ZNF536: variants seen among roughly 807,000 people sequenced by gnomAD.
The protein encoded by ZNF536 is zinc finger protein 536.
Under a neutral mutation model 84.5 loss-of-function variants are expected in ZNF536, and 13 were observed. The observed-to-expected ratio is 0.15, with a 90% CI of 0.10 to 0.24. The LOEUF is 0.24. Among genes scored for constraint, ZNF536 ranks in the 10% least tolerant of loss-of-function variants. The pLI, the probability that ZNF536 is intolerant of heterozygous loss-of-function variation, is 1.00. For missense variants in ZNF536, 1,536 were observed against 1,747.5 expected (o/e 0.88, Z 2.16); for synonymous variants, 811 against 742.5 (o/e 1.09, Z -1.50).
intron 1 of ZNF536, among the ~76,000 whole-genome samples, chr19:30,425,344 A>T (rs539694116): frequency 3.9e-5 from 6 of 152,120 alleles, no homozygotes; most frequent in African/African-American, 1.4e-4. Context: ...TCTGGAAGGG[A>T]GGGCATATTT....
chr19:30,617,669 G>T (rs960321264), intron 1 of ZNF536, among the ~76,000 whole-genome samples: 1 of 151,824 alleles, frequency 6.6e-6, no homozygotes, highest in African/African-American at 2.4e-5. Context: ...TACATTTTAA[G>T]GATTATATTC....
chr19:30,683,562 TTC>T (rs2051059068), intron 1 of ZNF536, among the ~76,000 whole-genome samples: 1 of 152,184 alleles, frequency 6.6e-6, no homozygotes, highest in Non-Finnish European at 1.5e-5. Context: ...TTTTTTTTTT[TTC>T]TCTTTTTCCC....
intron 1 of ZNF536, among the ~76,000 whole-genome samples, chr19:30,564,500 G>A (rs1460368936): frequency 1.3e-5 from 2 of 152,116 alleles, no homozygotes; most frequent in African/African-American, 4.8e-5. Flanking sequence ...TAGGTGCCCA[G>A]GCTGATGGGA....
At chr19:30,468,953 G>T (rs1326937943) in intron 2 of ZNF536, among the ~76,000 whole-genome samples, 2 of 152,026 alleles carry the variant, frequency 1.3e-5, no homozygotes, top group East Asian at 1.9e-4. Flanking sequence ...CCCCATAAAG[G>T]GGGGCCCCTC....
Position 30,445,864 on chromosome 19 carries a change from A to G in ZNF536, c.2170+132A>G. On this transcript the variant is annotated intron_variant, in intron 2 of 4. Coordinates refer to ENST00000355537, the MANE Select transcript of ZNF536 (RefSeq NM_014717.3). The surrounding 1 kb of genome is among the most constrained non-coding windows in gnomAD (Gnocchi z 4.5). ...GATTGAGGACAGGGGTGGGTTGGAC[A>G]CTGGGCCATGCCTTTCTTTCCCCCC... The G allele has an allele frequency of 8.0e-7, 1 of 1,253,544 alleles. No individual in the cohort carries two copies. Among genetic ancestry groups the G allele is most frequent in the South Asian group, 1.7e-5 (1 of 58,972 alleles). The allele number at this position is 1,253,544 out of a possible 1,614,324, so 77.7% of individuals were successfully genotyped here. A position where few individuals can be genotyped will look rare whatever the true frequency, so the allele number is the denominator to read the frequency against.
At chr19:30,337,552 G>A (rs148530956) in intron 2 of ZNF536, among the ~76,000 whole-genome samples, 233 of 152,234 alleles carry the variant, frequency 1.5e-3, no homozygotes, top group African/African-American at 5.2e-3. Context: ...TGCCAGTCCC[G>A]TTTCCTCTAT....
chr19:30,685,485 C>T (rs1465100578), intron 1 of ZNF536, among the ~76,000 whole-genome samples: 1 of 152,086 alleles, frequency 6.6e-6, no homozygotes, highest in African/African-American at 2.4e-5. Flanking sequence ...TCCAGCTTGG[C>T]TCCTTGCAAA....
chr19:30,478,155 GT>G (rs35858645), intron 2 of ZNF536, among the ~76,000 whole-genome samples: 6,739 of 134,696 alleles, frequency 0.05, 344 homozygotes, highest in African/African-American at 0.14. Context: ...AATCCTTGGT[GT>G]TTTTTTTTTT....
At chr19:30,232,560 C>T (rs1373112868) in intron 1 of ZNF536, among the ~76,000 whole-genome samples, 3 of 152,122 alleles carry the variant, frequency 2.0e-5, no homozygotes, top group Admixed American at 6.5e-5. Flanking sequence ...TGCGTTAATT[C>T]GCTTAGGATA....
At chr19:30,565,703 C>T (rs1191042248) in intron 1 of ZNF536, among the ~76,000 whole-genome samples, 1 of 152,204 alleles carries the variant, frequency 6.6e-6, no homozygotes, top group Admixed American at 6.5e-5. Context: ...CACATCCCCA[C>T]CTTCTGTCAT....
chr19:30,259,283 C>T (rs2025071655), intron 1 of ZNF536, among the ~76,000 whole-genome samples: 1 of 152,176 alleles, frequency 6.6e-6, no homozygotes, highest in Non-Finnish European at 1.5e-5. Flanking sequence ...TCACACTCTT[C>T]TGATGATCAA....
At chr19:30,711,820 T>C (rs1054925091) in exon 2 of ZNF536, 5 of 152,214 alleles carry the variant, frequency 3.3e-5, no homozygotes, top group Non-Finnish European at 7.3e-5. Context: ...GGGTACATTA[T>C]ATAAAATGTT....
chr19:30,478,250 A>C (rs1346048424), intron 2 of ZNF536, among the ~76,000 whole-genome samples: 1 of 151,060 alleles, frequency 6.6e-6, no homozygotes, highest in African/African-American at 2.4e-5. Context: ...TGGCTGATTT[A>C]ATCTAAACTT....
At chr19:30,702,054 C>T (rs1266987365) in intron 1 of ZNF536, among the ~76,000 whole-genome samples, 3 of 152,228 alleles carry the variant, frequency 2.0e-5, no homozygotes, top group Admixed American at 2.0e-4. Flanking sequence ...CTGGAAGCCC[C>T]ATAGACGCAG....
intron 2 of ZNF536, among the ~76,000 whole-genome samples, chr19:30,470,681 CTGTCT>C (rs1599483909): frequency 7.0e-6 from 1 of 143,610 alleles, no homozygotes; most frequent in South Asian, 2.3e-4. Flanking sequence ...ATTTTGTAGA[CTGTCT>C]TTTTTTTTTT....
At chr19:30,306,739 A>T (rs1005322697) in intron 2 of ZNF536, among the ~76,000 whole-genome samples, 16 of 152,248 alleles carry the variant, frequency 1.1e-4, no homozygotes, top group Non-Finnish European at 1.8e-4. Context: ...ATTTTATGGT[A>T]ACTTTCTGTA....
At chr19:30,317,521 T>A (rs1398578457) in intron 2 of ZNF536, among the ~76,000 whole-genome samples, 1 of 152,184 alleles carries the variant, frequency 6.6e-6, no homozygotes, top group Non-Finnish European at 1.5e-5. Context: ...GGTGCCTCTG[T>A]TTTCTCACCC....
intron 2 of ZNF536, among the ~76,000 whole-genome samples, chr19:30,338,560 G>A (rs1299076182): frequency 1.3e-5 from 2 of 152,090 alleles, no homozygotes; most frequent in African/African-American, 2.4e-5. Flanking sequence ...TGGTATAGTG[G>A]CTAAAAGAAT....
intron 1 of ZNF536, among the ~76,000 whole-genome samples, chr19:30,698,288 T>C (rs1473899728): frequency 6.9e-6 from 1 of 145,576 alleles, no homozygotes; most frequent in Non-Finnish European, 1.5e-5. Context: ...CAAGACTCAG[T>C]CTCAAAAAAA....
Sources: allele counts gnomAD v4.1 joint callset (sites outside exome capture counted in the v4.1 genomes callset), GRCh38; gene constraint gnomAD v4.1.1; non-coding constraint Gnocchi (gnomAD v3.1); transcripts MANE v1.5; gene names NCBI Gene and HGNC (gene_info 2026-07-23, HGNC 2026-07-21).